EYA1: variants seen among roughly 807,000 people sequenced by gnomAD.
The protein encoded by EYA1 is protein phosphatase EYA1.
In EYA1, 16 loss-of-function variants were observed where a neutral mutation model predicts 82.0. The observed-to-expected ratio is 0.20, with a 90% CI of 0.13 to 0.30. EYA1 has a LOEUF of 0.30. Ranked by LOEUF, EYA1 falls within the 10% of genes least tolerant of loss-of-function variation. The probability of loss-of-function intolerance (pLI) is 1.00; values close to 1 mark genes in which losing one functional copy is unlikely to be tolerated. For missense variants in EYA1, 633 were observed against 730.7 expected, an observed-to-expected ratio of 0.87 and a Z score of 1.54; for synonymous variants, 261 against 264.4, an observed-to-expected ratio of 0.99 and a Z score of 0.12.
chr8:71,484,469 C>A (rs1190314125), intron 2 of EYA1, among the ~76,000 whole-genome samples: 1 of 152,148 alleles, frequency 6.6e-6, no homozygotes, highest in African/African-American at 2.4e-5. Context: ...CTTGGTTATG[C>A]CATTGGTAAT....
At chr8:71,313,781 G>A (rs1267934612) in intron 7 of EYA1, among the ~76,000 whole-genome samples, 1 of 152,124 alleles carries the variant, frequency 6.6e-6, no homozygotes, top group African/African-American at 2.4e-5. Flanking sequence ...CTTTACTCCA[G>A]TCTTTCTAAG....
intron 12 of EYA1, among the ~76,000 whole-genome samples, chr8:71,227,424 A>G (rs149547078): frequency 1.1e-4 from 17 of 152,320 alleles, no homozygotes; most frequent in Non-Finnish European, 2.5e-4. Context: ...AATAATCACA[A>G]TGTCATAAAA....
intron 2 of EYA1, among the ~76,000 whole-genome samples, chr8:71,391,940 T>C (rs1296666186): frequency 6.6e-6 from 1 of 152,224 alleles, no homozygotes; most frequent in South Asian, 2.1e-4. Context: ...GCACCCAATC[T>C]TTAAGGGGTC....
intron 2 of EYA1, among the ~76,000 whole-genome samples, chr8:71,367,758 G>GAT (rs1827840007): frequency 6.6e-6 from 1 of 152,150 alleles, no homozygotes; most frequent in Non-Finnish European, 1.5e-5. Flanking sequence ...GGTTTATCTA[G>GAT]ATTCATGCTT....
rs1489793525 is a variant in EYA1, at chr8:71,328,293, A to G, written c.202+5804T>C. 4.6e-5 allele frequency among the ~76,000 whole-genome samples: 7 copies of G among 152,190 alleles called. No individual in the cohort carries two copies. In the East Asian group the frequency reaches 1.3e-3, roughly 29 times the overall value. On this transcript the variant is annotated intron_variant, in intron 4 of 17. Coordinates refer to ENST00000340726, the MANE Select transcript of EYA1 (RefSeq NM_000503.6). ...AAGCCCTGTTCATAGCCATTCCAGT[A>G]TGTTGATTTTTGTCTCTTTCATCAC...
chr8:71,449,843 C>T (rs1172690946), intron 2 of EYA1, among the ~76,000 whole-genome samples: 1 of 152,142 alleles, frequency 6.6e-6, no homozygotes, highest in African/African-American at 2.4e-5. Flanking sequence ...TGATCTTAGC[C>T]AGATCTTCTG....
intron 2 of EYA1, among the ~76,000 whole-genome samples, chr8:71,368,102 T>C (rs1827860841): frequency 6.6e-6 from 1 of 152,202 alleles, no homozygotes; most frequent in South Asian, 2.1e-4. Context: ...TTTAATAGTA[T>C]CAATGATCTG....
At chr8:71,433,954 C>T (rs1805814592) in intron 2 of EYA1, among the ~76,000 whole-genome samples, 1 of 152,136 alleles carries the variant, frequency 6.6e-6, no homozygotes, top group Non-Finnish European at 1.5e-5. Flanking sequence ...TTCAGTAGCT[C>T]AATTGAAGAA....
rs1806512606 is a variant in EYA1 at position 71,198,437 on chromosome 8, C to T, written c.*903G>A. On this transcript the variant is annotated 3_prime_UTR_variant, in exon 18 of 18. Transcript: ENST00000340726. Reference sequence around the variant, plus strand: ...ATGCTTTTGGTCTTGACAACATTATCTAAAAAAAAAAAATCCATTATCTAC... The same window carrying T: ...ATGCTTTTGGTCTTGACAACATTATTTAAAAAAAAAAAATCCATTATCTAC... 6.6e-6 allele frequency: 1 copy of T among 151,702 alleles called. No homozygotes were observed. The highest frequency in any genetic ancestry group is 2.4e-5 in the African/African-American group (1 of 41,130). The allele number at this position is 151,702 out of a possible 1,614,324, so 9.4% of individuals were successfully genotyped here. A position where few individuals can be genotyped will look rare whatever the true frequency, so the allele number is the denominator to read the frequency against.
intron 2 of EYA1, among the ~76,000 whole-genome samples, chr8:71,463,580 T>G (rs1808535232): frequency 7.2e-5 from 1 of 13,864 alleles, no homozygotes; most frequent in Non-Finnish European, 1.1e-4. Context: ...ATGCTTTCTC[T>G]CTCTCTCTCT....
At chr8:71,238,645 G>A (rs1034003328) in intron 12 of EYA1, among the ~76,000 whole-genome samples, 1 of 151,812 alleles carries the variant, frequency 6.6e-6, no homozygotes, top group Non-Finnish European at 1.5e-5. Flanking sequence ...AAATCAATTT[G>A]ATTTTTGAAT....
intron 2 of EYA1, among the ~76,000 whole-genome samples, chr8:71,463,118 AAAATCTGGTGTGTACAGAAC>A: frequency 6.6e-6 from 1 of 152,260 alleles, no homozygotes; most frequent in East Asian, 1.9e-4. Flanking sequence ...AATAGTCTTC[AAAATCTGGTGTGTACAGAAC>A]ATCTCAATTT....
chr8:71,237,981 G>C (rs985094388), intron 12 of EYA1, among the ~76,000 whole-genome samples: 1 of 152,050 alleles, frequency 6.6e-6, no homozygotes. Flanking sequence ...CTTTATCTCT[G>C]ATTAGTAAAA....
At chr8:71,252,979 T>C (rs1047365850) in intron 11 of EYA1, among the ~76,000 whole-genome samples, 2 of 152,164 alleles carry the variant, frequency 1.3e-5, no homozygotes, top group Non-Finnish European at 2.9e-5. Context: ...TATCTACAAA[T>C]GTATGCCAGT....
chr8:71,265,109 C>T (rs1278072132), intron 11 of EYA1, among the ~76,000 whole-genome samples: 1 of 152,162 alleles, frequency 6.6e-6, no homozygotes, highest in East Asian at 1.9e-4. Context: ...TTTGAGGACA[C>T]TGCCACCATG....
intron 2 of EYA1, among the ~76,000 whole-genome samples, chr8:71,436,040 C>A (rs1221345516): frequency 6.6e-6 from 1 of 152,070 alleles, no homozygotes; most frequent in Non-Finnish European, 1.5e-5. Flanking sequence ...TACTGACATT[C>A]AGTGATGCAT....
At chr8:71,477,497 A>G (rs1809754279) in intron 2 of EYA1, among the ~76,000 whole-genome samples, 1 of 152,042 alleles carries the variant, frequency 6.6e-6, no homozygotes, top group East Asian at 1.9e-4. Context: ...ATGAAAATCA[A>G]AACTGCAACG....
At chr8:71,211,378 T>C in intron 16 of EYA1, 122 bp from the exon 17 acceptor site, 1 of 700,002 alleles carries the variant, frequency 1.4e-6, no homozygotes, top group South Asian at 1.5e-5. Context: ...CTAGTACCTC[T>C]AAGAGGAATG....
intron 4 of EYA1, among the ~76,000 whole-genome samples, chr8:71,329,645 GTTCA>G (rs1428204491): frequency 6.6e-6 from 1 of 152,116 alleles, no homozygotes; most frequent in Non-Finnish European, 1.5e-5. Context: ...GCCATCATTC[GTTCA>G]TTCATGTTTT....
Sources: gnomAD v4.1 joint callset for allele counts (sites outside exome capture counted in the v4.1 genomes callset) on GRCh38, gnomAD v4.1.1 for gene constraint, MANE v1.5 for transcripts, NCBI Gene and HGNC (gene_info 2026-07-23, HGNC 2026-07-21) for gene names.